The following CEP192 variants were observed in gnomAD, a reference collection of about 807,000 sequenced individuals.
CEP192 encodes the protein centrosomal protein 192.
In CEP192, 151 loss-of-function variants were observed where a neutral mutation model predicts 271.8. The ratio of observed to expected loss-of-function variants is 0.56; its 90% CI spans 0.49 to 0.64. CEP192 has a LOEUF of 0.64. Among genes scored for constraint, CEP192 ranks in the 30% least tolerant of loss-of-function variants. The probability of loss-of-function intolerance (pLI) is 0.00; values close to 1 mark genes in which losing one functional copy is unlikely to be tolerated. For synonymous variants in CEP192, 995 were observed against 1,076.5 expected, an observed-to-expected ratio of 0.92 and a Z score of 1.48; for missense variants, 2,910 against 3,020.5, an observed-to-expected ratio of 0.96 and a Z score of 0.86.
At chr18:13,083,185 A>G (rs1430701840) in intron 30 of CEP192, among the ~76,000 whole-genome samples, 1 of 152,202 alleles carries the variant, frequency 6.6e-6, no homozygotes, top group African/African-American at 2.4e-5. Flanking sequence ...TAGGTGGGGA[A>G]GTTCTCCTGG....
At chr18:13,113,997 T>G in intron 41 of CEP192, 133 bp from the exon 42 acceptor site, 3 of 1,032,484 alleles carry the variant, frequency 2.9e-6, no homozygotes, top group Non-Finnish European at 4.2e-6. Context: ...GAGCTTGCAA[T>G]TTAGGGGATT....
intron 8 of CEP192, 51 bp downstream of exon 8, chr18:13,018,666 A>T: frequency 7.8e-7 from 1 of 1,275,248 alleles, no homozygotes; most frequent in Non-Finnish European, 1.1e-6. Context: ...TTTTGACTTT[A>T]CTTTTTTTAA....
chr18:13,007,327 T>C (rs1343861890), intron 3 of CEP192, among the ~76,000 whole-genome samples: 1 of 152,180 alleles, frequency 6.6e-6, no homozygotes, highest in East Asian at 1.9e-4. Flanking sequence ...TTTGAGCTAA[T>C]AAAAATATGG....
At chr18:13,077,565 G>A (rs1462258283) in intron 30 of CEP192, among the ~76,000 whole-genome samples, 1 of 152,292 alleles carries the variant, frequency 6.6e-6, no homozygotes, top group South Asian at 2.1e-4. Flanking sequence ...GATGTATTCT[G>A]TGAAGGCTTG....
rs750415367 is a variant in CEP192, at chr18:13,114,294, T to C, written c.7289+43T>C. 8 of 1,600,344 alleles carry C rather than the reference T, an allele frequency of 5.0e-6. No individual in the cohort carries two copies. The South Asian group carries it at 9.0e-5, about 18-fold the overall frequency. ...TTCTTATGAGTTTTTTCCCAGTACT[T>C]TATTGAGGAATAGAGTCAGTAAAAT... On this transcript the variant is annotated intron_variant, in intron 42 of 44. Coordinates refer to ENST00000506447, the MANE Select transcript of CEP192 (RefSeq NM_032142.4).
At chr18:13,023,416 A>G (rs2035105575) in intron 9 of CEP192, among the ~76,000 whole-genome samples, 1 of 150,222 alleles carries the variant, frequency 6.7e-6, no homozygotes, top group Non-Finnish European at 1.5e-5. Context: ...CAAGTTGAGA[A>G]TGTTTCTCTC....
At chr18:13,001,060 A>G (rs113331195) in intron 2 of CEP192, among the ~76,000 whole-genome samples, 1 of 152,336 alleles carries the variant, frequency 6.6e-6, no homozygotes, top group African/African-American at 2.4e-5. Context: ...TGTATCTTCA[A>G]CTGGATTGTG....
In CEP192 at chr18:13,113,654, T is replaced by G. The variant is rs775736267; in HGVS notation, c.7116T>G (p.Pro2372=). The G allele has an allele frequency of 2.4e-5, 39 of 1,613,512 alleles. 1 individual carries two copies. In the Middle Eastern group the frequency reaches 1.5e-3, roughly 61 times the overall value. ...YAQFWDVECH[P]LKEPHMKHTL... is the part of the protein sequence containing the mutation. ...AGTTTTGGGATGTTGAATGTCACCC[T>G]CTTAAGGAGCCTCACATGAAACACA... Residue 2372 remains proline, a synonymous_variant, in exon 41 of 45, where the codon CCT becomes CCG. Transcript: ENST00000506447.
At position 13,116,235 on chromosome 18, in the gene CEP192, T is replaced by C. The variant is rs2040421406; in HGVS notation, c.7290-142T>C. The C allele has an allele frequency of 1.1e-5, 9 of 807,644 alleles. No homozygotes were observed. In the South Asian group the frequency reaches 1.4e-4, roughly 13 times the overall value. The allele number at this position is 807,644 out of a possible 1,614,324, so 50.0% of individuals were successfully genotyped here. ...ATCCTCTTCACATAAATTAGATAAG[T>C]CGTCATTACAAAACTTATATTTGAA... is the stretch of plus-strand genomic sequence containing the variant. On this transcript the variant is annotated intron_variant, in intron 42 of 44. Coordinates refer to ENST00000506447, the MANE Select transcript of CEP192 (RefSeq NM_032142.4).
Position 13,070,589 on chromosome 18 carries a change from G to A in CEP192, c.5175-450G>A, listed in dbSNP as rs180860213. On this transcript the variant is annotated intron_variant, in intron 27 of 44. Coordinates refer to ENST00000506447, the MANE Select transcript of CEP192 (RefSeq NM_032142.4). Reference sequence around the variant, plus strand: ...TGTCGTGAGTACTGAGCTTGCTTGCGTAACCCTAGCTTAAAGTACACTCTC... The same window carrying A: ...TGTCGTGAGTACTGAGCTTGCTTGCATAACCCTAGCTTAAAGTACACTCTC... Among the ~76,000 whole-genome samples, 50 of 152,282 alleles carry A rather than the reference G, an allele frequency of 3.3e-4. No individual in the cohort carries two copies. In the East Asian group the frequency reaches 6.9e-3, roughly 21 times the overall value.
intron 18 of CEP192, among the ~76,000 whole-genome samples, chr18:13,055,243 C>G (rs2037025548): frequency 6.6e-6 from 1 of 150,844 alleles, no homozygotes; most frequent in South Asian, 2.1e-4. Context: ...TGCGCCATTG[C>G]ACTCCAACCT....
chr18:13,037,096 A>G, intron 11 of CEP192, 141 bp from the exon 12 acceptor site: 2 of 555,676 alleles, frequency 3.6e-6, no homozygotes, highest in Non-Finnish European at 6.4e-6. Context: ...TTTAATACAG[A>G]TGCATGAGTC....
At chr18:13,062,783 G>A (rs891758484) in intron 21 of CEP192, among the ~76,000 whole-genome samples, 2 of 151,970 alleles carry the variant, frequency 1.3e-5, no homozygotes, top group African/African-American at 4.8e-5. Flanking sequence ...AATTATTATT[G>A]GCTATAGTCA....
chr18:13,030,205 CT>C (rs1296166157), intron 10 of CEP192, among the ~76,000 whole-genome samples: 1 of 152,094 alleles, frequency 6.6e-6, no homozygotes, highest in Non-Finnish European at 1.5e-5. Flanking sequence ...GAAAATGTAC[CT>C]TTCTAGCTAA....
rs545121011 is a variant in CEP192, at chr18:13,099,049, G to A, written c.6558-427G>A. 2.4e-4 allele frequency among the ~76,000 whole-genome samples: 36 copies of A among 152,182 alleles called. 1 individual carries two copies. In the East Asian group the frequency reaches 6.6e-3, roughly 28 times the overall value. On this transcript the variant is annotated intron_variant, in intron 36 of 44. Coordinates refer to ENST00000506447, the MANE Select transcript of CEP192 (RefSeq NM_032142.4). ...ACGAAAACCAGTCAGGCGTGGCAGC[G>A]CGCGCCTGCAATCGCAGGCACTCGG...
At chr18:13,037,210 G>T (rs761186403) in intron 11 of CEP192, 27 bp from the exon 12 acceptor site, 1 of 947,754 alleles carries the variant, frequency 1.1e-6, no homozygotes, top group South Asian at 1.4e-5. Context: ...TTAGTGTAAT[G>T]TATTTATATA....
intron 30 of CEP192, among the ~76,000 whole-genome samples, chr18:13,075,953 T>C (rs1440269302): frequency 6.6e-6 from 1 of 152,202 alleles, no homozygotes; most frequent in African/African-American, 2.4e-5. Flanking sequence ...TCTGGAGCAG[T>C]GGTTCTCAAC....
intron 18 of CEP192, 38 bp from the exon 19 acceptor site, chr18:13,055,742 A>G (rs763658676): frequency 1.5e-6 from 2 of 1,330,784 alleles, no homozygotes; most frequent in Non-Finnish European, 1.0e-6. Flanking sequence ...TATTAAGTTT[A>G]TCTGTGGATT....
At chr18:13,111,580 G>C (rs1018886858) in intron 40 of CEP192, among the ~76,000 whole-genome samples, 2 of 152,134 alleles carry the variant, frequency 1.3e-5, no homozygotes, top group African/African-American at 4.8e-5. Flanking sequence ...GTTAAGCATT[G>C]GTTTCTTAGA....
Sources: allele counts gnomAD v4.1 joint callset (sites outside exome capture counted in the v4.1 genomes callset), GRCh38; gene constraint gnomAD v4.1.1; transcripts MANE v1.5; gene names NCBI Gene and HGNC (gene_info 2026-07-23, HGNC 2026-07-21).